SKAP2: variants seen among roughly 807,000 people sequenced by gnomAD.
SKAP2 encodes the protein src kinase associated phosphoprotein 2, also known as src kinase-associated phosphoprotein 2.
Under a neutral mutation model 54.9 loss-of-function variants are expected in SKAP2, and 28 were observed. That is an observed-to-expected ratio of 0.51 (90% CI 0.38 to 0.70). SKAP2 has a LOEUF of 0.70. SKAP2 is among the 30% of genes least tolerant of loss of function. The pLI, the probability that SKAP2 is intolerant of heterozygous loss-of-function variation, is 0.00. For synonymous variants in SKAP2, 137 were observed against 134.3 expected (o/e 1.02, Z -0.14); for missense variants, 356 against 424.1 (o/e 0.84, Z 1.41).
chr7:26,843,157 T>A (rs1242028608), intron 4 of SKAP2, among the ~76,000 whole-genome samples: 2 of 152,058 alleles, frequency 1.3e-5, no homozygotes, highest in Non-Finnish European at 2.9e-5. Flanking sequence ...GAGTGCTCTG[T>A]TGCAGGAAGC....
chr7:26,814,142 C>T lies in SKAP2; in HGVS notation c.307+29888G>A, dbSNP rs528933782. Among the ~76,000 whole-genome samples the T allele has an allele frequency of 3.3e-5, 5 of 152,078 alleles. No homozygotes were observed. The South Asian group carries it at 8.3e-4, about 25-fold the overall frequency. On this transcript the variant is annotated intron_variant, in intron 4 of 12. Transcript: ENST00000345317. Reference sequence around the variant, plus strand: ...TTTATAAGAGTACATTTTTGTTTAACAAAAGCACAATTAATCTCTAATGTA... The same window carrying T: ...TTTATAAGAGTACATTTTTGTTTAATAAAAGCACAATTAATCTCTAATGTA...
At chr7:26,824,301 T>C (rs1166131276) in intron 4 of SKAP2, among the ~76,000 whole-genome samples, 4 of 152,136 alleles carry the variant, frequency 2.6e-5, no homozygotes, top group Non-Finnish European at 5.9e-5. Flanking sequence ...TTTGTAGACA[T>C]AATGCACACA....
At chr7:26,748,224 C>T (rs576463598) in intron 4 of SKAP2, among the ~76,000 whole-genome samples, 1 of 152,156 alleles carries the variant, frequency 6.6e-6, no homozygotes, top group Admixed American at 6.5e-5. Flanking sequence ...ATTCGTTGGT[C>T]TAACAATAAA....
intron 10 of SKAP2, among the ~76,000 whole-genome samples, chr7:26,686,050 G>T (rs1008732035): frequency 6.6e-6 from 1 of 152,072 alleles, no homozygotes; most frequent in Non-Finnish European, 1.5e-5. Context: ...CAACTAGTCA[G>T]ATTAGCATGT....
chr7:26,666,787 A>AT (rs144798808), downstream of SKAP2, among the ~76,000 whole-genome samples: 1,361 of 152,318 alleles, frequency 8.9e-3, 19 homozygotes, highest in African/African-American at 0.031. Context: ...AGAAAGTGTC[A>AT]TATGCAGCAA....
Position 26,725,991 on chromosome 7 carries a change from TATAAA to T in SKAP2, c.595-10_595-6del, listed in dbSNP as rs1213958971. ...TTTGGGAGAAGCTGCTGTAAACTAA[TATAAA>T]ACAAACAGTAAGAACGAAAATCACC... On this transcript the variant is annotated splice_polypyrimidine_tract_variant and splice_region_variant and intron_variant, in intron 7 of 12. Coordinates refer to ENST00000345317, the MANE Select transcript of SKAP2 (RefSeq NM_003930.5). The T allele has an allele frequency of 3.1e-6, 5 of 1,602,222 alleles. No individual in the cohort carries two copies. The African/African-American group carries it at 6.7e-5, about 21-fold the overall frequency.
rs201935098 is a variant in SKAP2, at chr7:26,716,182, CCTTA to C, written c.796+9242_796+9245del. On this transcript the variant is annotated intron_variant, in intron 9 of 12. Transcript: ENST00000345317. ...TAATTTTGTGGTTAAATCTTTATAT[CCTTA>C]CTTATTTTTTGCCTCCTTGGTCTAT... is the stretch of plus-strand genomic sequence containing the variant. 2.4e-4 allele frequency among the ~76,000 whole-genome samples: 36 copies of C among 152,156 alleles called. 1 individual carries two copies. In the East Asian group the frequency reaches 6.8e-3, roughly 29 times the overall value.
chr7:26,861,507 T>C (rs1280344635), intron 1 of SKAP2, among the ~76,000 whole-genome samples: 1 of 151,780 alleles, frequency 6.6e-6, no homozygotes, highest in Non-Finnish European at 1.5e-5. Context: ...ATAAAAAGCA[T>C]AGGTCTTCAA....
intron 3 of SKAP2, among the ~76,000 whole-genome samples, chr7:26,847,662 A>G (rs1488411846): frequency 6.6e-6 from 1 of 152,248 alleles, no homozygotes; most frequent in African/African-American, 2.4e-5. Context: ...AAATGTCTAC[A>G]GAATCATTAG....
intron 11 of SKAP2, among the ~76,000 whole-genome samples, chr7:26,683,808 C>A (rs1015845371): frequency 1.3e-5 from 2 of 152,228 alleles, no homozygotes; most frequent in East Asian, 3.9e-4. Context: ...TTGTCTTCTG[C>A]CTCTAACAAG....
chr7:26,657,096 C>G, the SKAP2 span, among the ~76,000 whole-genome samples: 4 of 152,166 alleles, frequency 2.6e-5, no homozygotes, highest in Non-Finnish European at 4.4e-5. Context: ...AAAGAAATAC[C>G]TGGTAACTAT....
intron 4 of SKAP2, among the ~76,000 whole-genome samples, chr7:26,833,339 T>C (rs774311495): frequency 1.4e-5 from 2 of 144,614 alleles, no homozygotes; most frequent in Non-Finnish European, 3.0e-5. Flanking sequence ...GAGCTTGCAG[T>C]GAGCTGAGAT....
At chr7:26,679,185 T>C (rs1340649673) in intron 11 of SKAP2, among the ~76,000 whole-genome samples, 1 of 152,214 alleles carries the variant, frequency 6.6e-6, no homozygotes, top group Non-Finnish European at 1.5e-5. Flanking sequence ...CCTCTACCTG[T>C]CAGGCCATTG....
At chr7:26,824,805 A>G (rs1263305520) in intron 4 of SKAP2, among the ~76,000 whole-genome samples, 3 of 152,196 alleles carry the variant, frequency 2.0e-5, no homozygotes, top group Non-Finnish European at 4.4e-5. Context: ...CAACAAGCCA[A>G]ATTTGCTCCA....
downstream of SKAP2, among the ~76,000 whole-genome samples, chr7:26,662,381 C>G (rs947621801): frequency 6.6e-6 from 1 of 151,970 alleles, no homozygotes; most frequent in African/African-American, 2.4e-5. Context: ...CCAGATAATC[C>G]CTAAGGTTCA....
intron 9 of SKAP2, among the ~76,000 whole-genome samples, chr7:26,692,019 T>C (rs1017327904): frequency 2.0e-5 from 3 of 152,074 alleles, no homozygotes; most frequent in African/African-American, 7.2e-5. Context: ...GCTTCAGGAA[T>C]GGACATCTGA....
At chr7:26,856,165 T>A (rs1034579482) in intron 1 of SKAP2, among the ~76,000 whole-genome samples, 7 of 151,216 alleles carry the variant, frequency 4.6e-5, no homozygotes, top group African/African-American at 1.7e-4. Flanking sequence ...ATATGACAAG[T>A]AAAATAATTA....
At chr7:26,664,819 G>A (rs573197171), downstream of SKAP2, among the ~76,000 whole-genome samples, 1 of 151,912 alleles carries the variant, frequency 6.6e-6, no homozygotes, top group Admixed American at 6.6e-5. Context: ...TGGGCTTTGG[G>A]AGCAGTTTCT....
At chr7:26,785,315 T>C (rs540981463) in intron 4 of SKAP2, among the ~76,000 whole-genome samples, 250 of 152,020 alleles carry the variant, frequency 1.6e-3, no homozygotes, top group African/African-American at 5.4e-3. Flanking sequence ...GCCTCCCGAG[T>C]AGCTGGGACT....
Sources: gnomAD v4.1 joint callset for allele counts (sites outside exome capture counted in the v4.1 genomes callset) on GRCh38, gnomAD v4.1.1 for gene constraint, MANE v1.5 for transcripts, NCBI Gene and HGNC (gene_info 2026-07-23, HGNC 2026-07-21) for gene names.